The following ACOT12 variants were observed in gnomAD, a reference collection of about 807,000 sequenced individuals.
ACOT12 encodes acyl-CoA thioesterase 12.
A neutral mutation model predicts 67.7 loss-of-function variants in ACOT12; 51 were observed. That is an observed-to-expected ratio of 0.75 (90% CI 0.60 to 0.95). ACOT12 has a LOEUF of 0.95. Among genes scored for constraint, ACOT12 ranks in the 40% least tolerant of loss-of-function variants. The pLI is 0.00. For missense variants in ACOT12, 734 were observed against 708.1 expected, an observed-to-expected ratio of 1.04 and a Z score of -0.41; for synonymous variants, 251 against 244.6, an observed-to-expected ratio of 1.03 and a Z score of -0.24.
chr5:81,329,000 C>G (rs1391490048), downstream of ACOT12, among the ~76,000 whole-genome samples: 2 of 151,984 alleles, frequency 1.3e-5, no homozygotes, highest in African/African-American at 4.8e-5. Context: ...GCACACGTGC[C>G]TAGTGCTATT....
At chr5:81,322,660 T>C in the ACOT12 span, among the ~76,000 whole-genome samples, 3 of 152,158 alleles carry the variant, frequency 2.0e-5, no homozygotes, top group Non-Finnish European at 4.4e-5. Context: ...AGTACTGCTA[T>C]GAAGAAATAC....
intron 3 of ACOT12, among the ~76,000 whole-genome samples, chr5:81,367,447 G>C (rs1760114746): frequency 6.6e-6 from 1 of 152,164 alleles, no homozygotes; most frequent in Non-Finnish European, 1.5e-5. Context: ...AGGGAAGTGT[G>C]TGTACTGTTA....
rs377068561 is a variant in ACOT12, at chr5:81,344,072, G to A, written c.980+88C>T. 2.6e-5 allele frequency: 37 copies of A among 1,410,142 alleles called. No individual in the cohort carries two copies. In the Middle Eastern group the frequency reaches 7.2e-4, roughly 27 times the overall value. 87.4% of individuals were successfully genotyped at this position (1,410,142 alleles called of 1,614,324 possible). ...ATCAGACCTTCTCTTTTTCCGTTAC[G>A]TGGGAATAGAGACCCAGAGGGGGGC... On this transcript the variant is annotated intron_variant, in intron 9 of 14. Transcript: ENST00000307624.
chr5:81,353,936 T>A (rs763602143), intron 5 of ACOT12, among the ~76,000 whole-genome samples: 16 of 152,178 alleles, frequency 1.1e-4, no homozygotes, highest in Non-Finnish European at 2.1e-4. Context: ...CAATGTCCTA[T>A]CAAAAACCAA....
intron 3 of ACOT12, among the ~76,000 whole-genome samples, chr5:81,368,116 A>C (rs777909543): frequency 3.9e-5 from 6 of 152,146 alleles, no homozygotes; most frequent in Non-Finnish European, 8.8e-5. Context: ...ACATGGTGAA[A>C]TCCTTTCTCT....
the ACOT12 span, among the ~76,000 whole-genome samples, chr5:81,310,180 A>T: frequency 6.8e-6 from 1 of 147,148 alleles, no homozygotes; most frequent in African/African-American, 2.5e-5. Context: ...AAAAAAAAAA[A>T]TTAATGCAGC....
chr5:81,386,995 A>AT (rs869281800), intron 1 of ACOT12, among the ~76,000 whole-genome samples: 2,496 of 81,164 alleles, frequency 0.031, 73 homozygotes, highest in African/African-American at 0.075. Context: ...GATGAGTTCC[A>AT]TTTTTTTTTT....
Position 81,394,049 on chromosome 5 carries a change from C to T in ACOT12, c.66G>A (p.Ala22=). The T allele has an allele frequency of 3.4e-6, 5 of 1,473,884 alleles. No individual in the cohort carries two copies. Among genetic ancestry groups the T allele is most frequent in the East Asian group, 2.9e-5 (1 of 34,114 alleles). 91.3% of individuals were successfully genotyped at this position (1,473,884 alleles called of 1,614,324 possible). The change falls in exon 1 of 15, where the codon GCG becomes GCA. Residue 22 remains alanine, a synonymous_variant. Transcript: ENST00000307624. The part of the protein sequence containing the change: ...SQAIQPAHAT[A]RGELSAGQLL... ...GCTGCCCCGCGCTCAGCTCGCCGCG[C>T]GCAGTGGCGTGCGCCGGCTGGATGG...
intron 3 of ACOT12, among the ~76,000 whole-genome samples, chr5:81,364,113 G>A (rs1230170262): frequency 6.6e-6 from 1 of 151,708 alleles, no homozygotes; most frequent in African/African-American, 2.4e-5. Context: ...TCAAATTTAT[G>A]GAATCTGACT....
intron 12 of ACOT12, among the ~76,000 whole-genome samples, chr5:81,335,325 T>A (rs184503535): frequency 3.3e-4 from 51 of 152,286 alleles, no homozygotes; most frequent in African/African-American, 1.1e-3. Context: ...GTTTTGTGTC[T>A]CTCAATATCA....
rs77998050 is a variant in ACOT12, at chr5:81,387,927, G to T, written c.128-2101C>A. On this transcript the variant is annotated intron_variant, in intron 1 of 14. Coordinates refer to ENST00000307624, the MANE Select transcript of ACOT12 (RefSeq NM_130767.3). ...ATTAAACTTTTATTGTTTATATTGG[G>T]TATCTATTCTGTATATGTAGCACTA... Among the ~76,000 whole-genome samples, 511 of 152,112 alleles carry T rather than the reference G, an allele frequency of 3.4e-3. 12 individuals carry two copies. In the East Asian group the frequency reaches 0.045, roughly 13 times the overall value.
intron 3 of ACOT12, among the ~76,000 whole-genome samples, 167 bp from the exon 4 acceptor site, chr5:81,364,056 T>C (rs1474016260): frequency 6.6e-6 from 1 of 152,196 alleles, no homozygotes; most frequent in East Asian, 1.9e-4. Context: ...TCTATAACAC[T>C]GGACAATTAG....
At chr5:81,326,117 C>CTATTT (rs1406280414), downstream of ACOT12, among the ~76,000 whole-genome samples, 1 of 77,032 alleles carries the variant, frequency 1.3e-5, no homozygotes, top group East Asian at 4.5e-4. Flanking sequence ...CCCTGAGATT[C>CTATTT]TTTTTTTTTT....
At chr5:81,320,707 A>G in the ACOT12 span, among the ~76,000 whole-genome samples, 74,541 of 151,706 alleles carry the variant, frequency 0.49, 18,927 homozygotes, top group Admixed American at 0.62. Context: ...AATAAGAGCC[A>G]GCAGCAGCAA....
chr5:81,380,460 A>T (rs570910466), intron 2 of ACOT12, among the ~76,000 whole-genome samples: 1 of 149,696 alleles, frequency 6.7e-6, no homozygotes, highest in East Asian at 2.0e-4. Context: ...GCTACTCGGG[A>T]GGCTGAGGCA....
Position 81,365,879 on chromosome 5 carries a change from T to TA in ACOT12, c.259-1991dup, listed in dbSNP as rs560363129. On this transcript the variant is annotated intron_variant, in intron 3 of 14. Coordinates refer to ENST00000307624, the MANE Select transcript of ACOT12 (RefSeq NM_130767.3). ...GGGTTAGAGTACCAGAGAAGGAAAC[T>TA]AAAAAAAAAGAGAAAGAATTCCAGA... Among the ~76,000 whole-genome samples the TA allele has an allele frequency of 8.9e-3, 1,341 of 150,964 alleles. 28 individuals carry two copies. The highest frequency in any genetic ancestry group is 0.03 in the African/African-American group (1,223 of 41,132).
At chr5:81,352,719 A>G (rs1199877380) in intron 5 of ACOT12, among the ~76,000 whole-genome samples, 1 of 152,194 alleles carries the variant, frequency 6.6e-6, no homozygotes, top group Non-Finnish European at 1.5e-5. Context: ...ATAATAATTT[A>G]ATTATATATT....
At chr5:81,385,960 C>T in intron 1 of ACOT12, 134 bp from the exon 2 acceptor site, 2 of 745,450 alleles carry the variant, frequency 2.7e-6, no homozygotes, top group Non-Finnish European at 2.2e-6. Flanking sequence ...ACTGTGCCTA[C>T]ACTTTCTGGA....
chr5:81,356,526 T>A (rs983661662), intron 5 of ACOT12, among the ~76,000 whole-genome samples: 2 of 152,142 alleles, frequency 1.3e-5, no homozygotes, highest in Admixed American at 1.3e-4. Context: ...GTCTCTCAGA[T>A]GAAATCTCCC....
Sources: allele counts gnomAD v4.1 joint callset (sites outside exome capture counted in the v4.1 genomes callset), GRCh38; gene constraint gnomAD v4.1.1; transcripts MANE v1.5; gene names NCBI Gene and HGNC (gene_info 2026-07-23, HGNC 2026-07-21).